Variants in CSMD1 observed in about 807,000 individuals in gnomAD.
CSMD1 encodes the protein CUB and sushi domain-containing protein 1.
CSMD1 carries 213 observed loss-of-function variants against 417.5 expected under a neutral mutation model. The ratio of observed to expected loss-of-function variants is 0.51; its 90% CI spans 0.46 to 0.57. The LOEUF is 0.57. CSMD1 is among the 20% of genes least tolerant of loss of function. The pLI, the probability that CSMD1 is intolerant of heterozygous loss-of-function variation, is 0.00. For synonymous variants in CSMD1, 2,862 were observed against 1,736.8 expected (o/e 1.65, Z -16.11); for missense variants, 6,923 against 4,529.7 (o/e 1.53, Z -15.17).
chr8:3,010,209 T>C (rs529132771), intron 52 of CSMD1, among the ~76,000 whole-genome samples: 43 of 152,314 alleles, frequency 2.8e-4, no homozygotes, highest in African/African-American at 9.4e-4. Context: ...TCTCCTACAA[T>C]AGGAGAGCCT....
chr8:4,764,157 C>G (rs1480008210), intron 1 of CSMD1, among the ~76,000 whole-genome samples: 1 of 152,134 alleles, frequency 6.6e-6, no homozygotes, highest in Non-Finnish European at 1.5e-5. Context: ...CTTGCTTTCT[C>G]TAAGGAGCAC....
chr8:4,783,880 T>C (rs1008119392), intron 1 of CSMD1, among the ~76,000 whole-genome samples: 2 of 152,196 alleles, frequency 1.3e-5, no homozygotes, highest in Non-Finnish European at 2.9e-5. Flanking sequence ...TTATGTCGGC[T>C]TTTGTGACAT....
chr8:4,264,555 G>C (rs1005406912), intron 3 of CSMD1, among the ~76,000 whole-genome samples: 2 of 152,236 alleles, frequency 1.3e-5, no homozygotes, highest in South Asian at 4.1e-4. Flanking sequence ...GTTTTTAAGG[G>C]TTAGCAAGCA....
At chr8:4,125,834 T>G (rs1031540314) in intron 3 of CSMD1, among the ~76,000 whole-genome samples, 2 of 152,198 alleles carry the variant, frequency 1.3e-5, no homozygotes, top group African/African-American at 4.8e-5. Context: ...TCTTACCTGG[T>G]GTCCAGTCTG....
In CSMD1 at chr8:3,583,747, C is replaced by G. The variant is rs146247004; in HGVS notation, c.1222+2389G>C. On this transcript the variant is annotated intron_variant, in intron 9 of 69. Transcript: ENST00000635120. ...GCTACAGCTGCACAAGCATTCTAGA[C>G]AGGAAAGGCAGAGCGTGTGGCTGCG... Among the ~76,000 whole-genome samples the G allele has an allele frequency of 3.4e-3, 524 of 152,182 alleles. 5 individuals are homozygous for G. Among genetic ancestry groups the G allele is most frequent in the African/African-American group, 0.012 (485 of 41,504 alleles).
At chr8:4,405,821 G>C (rs1417560540) in intron 3 of CSMD1, among the ~76,000 whole-genome samples, 1 of 152,134 alleles carries the variant, frequency 6.6e-6, no homozygotes. Flanking sequence ...GCGGAGCAGT[G>C]CGTGCCTCCA....
chr8:4,470,129 C>A (rs964132433), intron 2 of CSMD1, among the ~76,000 whole-genome samples: 6 of 152,054 alleles, frequency 3.9e-5, no homozygotes, highest in African/African-American at 1.4e-4. Context: ...CTCGGCCTCC[C>A]AAAGGGCTGG....
intron 8 of CSMD1, among the ~76,000 whole-genome samples, chr8:3,590,007 C>T (rs573034857): frequency 6.6e-6 from 1 of 152,168 alleles, no homozygotes; most frequent in South Asian, 2.1e-4. Context: ...AACAACAGGA[C>T]TGTGCTTGAC....
chr8:4,044,559 C>T (rs556016847), intron 3 of CSMD1, among the ~76,000 whole-genome samples: 3 of 152,290 alleles, frequency 2.0e-5, no homozygotes, highest in African/African-American at 4.8e-5. Context: ...GATTCTACCA[C>T]GGCAGAGCTC....
At chr8:4,593,295 C>A (rs1326501810) in intron 2 of CSMD1, among the ~76,000 whole-genome samples, 1 of 152,214 alleles carries the variant, frequency 6.6e-6, no homozygotes, top group Non-Finnish European at 1.5e-5. Context: ...TCCCTCTCCT[C>A]TTTACGCATA....
chr8:3,373,856 G>C (rs1011073275), intron 18 of CSMD1: 4 of 152,058 alleles, frequency 2.6e-5, no homozygotes, highest in Non-Finnish European at 5.9e-5. Context: ...AAATCTTTTG[G>C]ATGGAGGACT....
intron 11 of CSMD1, among the ~76,000 whole-genome samples, chr8:3,488,191 C>G (rs899516411): frequency 2.6e-5 from 4 of 152,028 alleles, no homozygotes; most frequent in African/African-American, 9.7e-5. Context: ...CAGCCTTGAT[C>G]TCCTGGGCAC....
chr8:3,661,744 G>T lies in CSMD1; in HGVS notation c.1010-44947C>A, dbSNP rs551135293. Among the ~76,000 whole-genome samples, 6 of 152,146 alleles carry T rather than the reference G, an allele frequency of 3.9e-5. No homozygotes were observed. The East Asian group carries it at 1.2e-3, about 29-fold the overall frequency. ...ACTCCTGACCTCAAGTGATTCACCC[G>T]CCCTGGCTTCCCAAAGTGCTGGGGT... On this transcript the variant is annotated intron_variant, in intron 7 of 69. Coordinates refer to ENST00000635120, the MANE Select transcript of CSMD1 (RefSeq NM_033225.6).
chr8:3,127,125 C>T (rs143917661), intron 41 of CSMD1, among the ~76,000 whole-genome samples: 1 of 152,196 alleles, frequency 6.6e-6, no homozygotes, highest in African/African-American at 2.4e-5. Flanking sequence ...GTCTTGTCCA[C>T]AAACTAAGGG....
intron 18 of CSMD1, among the ~76,000 whole-genome samples, chr8:3,376,762 G>C (rs1363545807): frequency 6.7e-6 from 1 of 149,298 alleles, no homozygotes; most frequent in Non-Finnish European, 1.5e-5. Flanking sequence ...TGAGTTTATC[G>C]TGTTTCATGT....
intron 1 of CSMD1, among the ~76,000 whole-genome samples, chr8:4,697,603 A>G (rs551518410): frequency 2.0e-5 from 3 of 152,312 alleles, no homozygotes; most frequent in South Asian, 2.1e-4. Flanking sequence ...AGTTCAGTCA[A>G]TAAGTTCAAC....
chr8:4,081,010 C>G (rs1057116005), intron 3 of CSMD1, among the ~76,000 whole-genome samples: 1 of 152,126 alleles, frequency 6.6e-6, no homozygotes, highest in Non-Finnish European at 1.5e-5. Flanking sequence ...ATCCCCTTTT[C>G]GCCTTTGCCT....
At chr8:4,976,951 G>A (rs970821073) in intron 1 of CSMD1, among the ~76,000 whole-genome samples, 1 of 152,124 alleles carries the variant, frequency 6.6e-6, no homozygotes, top group Non-Finnish European at 1.5e-5. Flanking sequence ...GTGGAATGAG[G>A]GCAGATGCTG....
chr8:4,022,964 G>A (rs547156083), intron 4 of CSMD1, among the ~76,000 whole-genome samples: 1 of 152,268 alleles, frequency 6.6e-6, no homozygotes, highest in South Asian at 2.1e-4. Flanking sequence ...AAATTTGAGG[G>A]CAAATAAATA....
Sources: gnomAD v4.1 joint callset for allele counts (sites outside exome capture counted in the v4.1 genomes callset) on GRCh38, gnomAD v4.1.1 for gene constraint, MANE v1.5 for transcripts, NCBI Gene and HGNC (gene_info 2026-07-23, HGNC 2026-07-21) for gene names.